Variants in PPP2R2B observed in about 807,000 individuals in gnomAD.
PPP2R2B encodes serine/threonine-protein phosphatase 2A 55 kDa regulatory subunit B beta isoform.
PPP2R2B carries 5 observed loss-of-function variants against 46.0 expected under a neutral mutation model. That is an observed-to-expected ratio of 0.11 (90% confidence interval 0.06 to 0.23). PPP2R2B has a LOEUF of 0.23. Among genes scored for constraint, PPP2R2B ranks in the 10% least tolerant of loss-of-function variants. The pLI is 1.00. For missense variants in PPP2R2B, 367 were observed against 575.0 expected (o/e 0.64, Z 3.70); for synonymous variants, 215 against 206.7 (o/e 1.04, Z -0.34).
At chr5:146,873,010 C>G (rs1761701885) in intron 2 of PPP2R2B, among the ~76,000 whole-genome samples, 1 of 152,206 alleles carries the variant, frequency 6.6e-6, no homozygotes, top group South Asian at 2.1e-4. Context: ...AGGTCTTTCT[C>G]TTGAGCTTCA....
chr5:146,696,204 C>T (rs1352604366), intron 4 of PPP2R2B, among the ~76,000 whole-genome samples: 1 of 151,736 alleles, frequency 6.6e-6, no homozygotes, highest in East Asian at 1.9e-4. Context: ...CCTGGATTCA[C>T]GCCATTATCC....
chr5:147,076,066 G>C (rs1757755780), intron 2 of PPP2R2B, among the ~76,000 whole-genome samples: 1 of 152,102 alleles, frequency 6.6e-6, no homozygotes, highest in South Asian at 2.1e-4. Flanking sequence ...AAGTAGTGAA[G>C]CTAAATTTGA....
intron 2 of PPP2R2B, among the ~76,000 whole-genome samples, chr5:146,817,921 C>T (rs66470287): frequency 0.14 from 21,419 of 152,250 alleles, 1,929 homozygotes; most frequent in East Asian, 0.42. Context: ...CCCATTTGCT[C>T]ACACTGCTCT....
chr5:146,589,701 T>C lies in PPP2R2B; in HGVS notation c.*246A>G. The C allele has an allele frequency of 2.1e-6, 1 of 474,830 alleles. No individual in the cohort carries two copies. The highest frequency in any genetic ancestry group is 1.9e-5 in the African/African-American group (1 of 51,562). The allele number at this position is 474,830 out of a possible 1,614,324, so 29.4% of individuals were successfully genotyped here. ...AAAAGCATCAGAAGTTCAAGTCAAC[T>C]ATGGAAGAATTACTGTTAGCTGGCA... On this transcript the variant is annotated 3_prime_UTR_variant, in exon 10 of 10. Transcript: ENST00000394411.
chr5:146,640,800 A>G (rs1336373091), intron 6 of PPP2R2B, among the ~76,000 whole-genome samples: 1 of 152,214 alleles, frequency 6.6e-6, no homozygotes, highest in African/African-American at 2.4e-5. Flanking sequence ...CATGTCTATG[A>G]AACCAGGCAC....
intron 2 of PPP2R2B, among the ~76,000 whole-genome samples, chr5:146,701,590 T>C (rs61314158): frequency 0.25 from 37,609 of 151,966 alleles, 6,046 homozygotes; most frequent in African/African-American, 0.46. Context: ...GCTTGAAGCT[T>C]AGACATGGAA....
chr5:146,706,802 T>C lies in PPP2R2B; in HGVS notation c.71-5660A>G, dbSNP rs1036623467. 6 of 863,440 alleles carry C rather than the reference T, an allele frequency of 6.9e-6. No individual in the cohort carries two copies. In the African/African-American group the frequency reaches 9.9e-5, roughly 14 times the overall value. 53.5% of individuals were successfully genotyped at this position (863,440 alleles called of 1,614,324 possible). ...GCTCTCGGCCTCAGCCCGACTGCGG[T>C]TGGCGATCTCCTCGTACTGTACCTT... is the stretch of plus-strand genomic sequence containing the variant. On this transcript the variant is annotated intron_variant, in intron 2 of 9. Coordinates refer to ENST00000394411, the MANE Select transcript of PPP2R2B (RefSeq NM_181675.4).
chr5:146,779,743 G>C (rs887068453), intron 2 of PPP2R2B, among the ~76,000 whole-genome samples: 4 of 152,196 alleles, frequency 2.6e-5, no homozygotes, highest in Admixed American at 6.5e-5. Flanking sequence ...TGTATAATTA[G>C]CTAGTCTGAA....
intron 1 of PPP2R2B, among the ~76,000 whole-genome samples, chr5:146,953,242 G>A (rs973648650): frequency 4.6e-5 from 7 of 152,122 alleles, no homozygotes; most frequent in East Asian, 3.8e-4. Flanking sequence ...TCATTTGCTC[G>A]ACCTGTAGCT....
intron 2 of PPP2R2B, chr5:146,706,571 C>T (rs535792794): frequency 1.1e-6 from 1 of 911,828 alleles, no homozygotes; most frequent in Admixed American, 1.8e-5. Flanking sequence ...GCTCGGACAG[C>T]TTAGCGTTGG....
chr5:146,592,654 G>T (rs1482253044), intron 9 of PPP2R2B, among the ~76,000 whole-genome samples: 1 of 152,228 alleles, frequency 6.6e-6, no homozygotes, highest in Non-Finnish European at 1.5e-5. Flanking sequence ...GCTGGAATTT[G>T]CTGGTGGATA....
intron 5 of PPP2R2B, among the ~76,000 whole-genome samples, chr5:146,662,281 A>G (rs1456202445): frequency 6.6e-6 from 1 of 152,204 alleles, no homozygotes; most frequent in Non-Finnish European, 1.5e-5. Flanking sequence ...ATTTCTAAGA[A>G]TTTAAAAAAC....
intron 2 of PPP2R2B, among the ~76,000 whole-genome samples, chr5:146,726,543 A>G (rs1751880747): frequency 6.6e-6 from 1 of 152,206 alleles, no homozygotes; most frequent in Non-Finnish European, 1.5e-5. Context: ...CTTGATCCTC[A>G]TAGCAAATCT....
At chr5:146,949,414 T>C (rs556810424) in intron 1 of PPP2R2B, among the ~76,000 whole-genome samples, 17 of 152,070 alleles carry the variant, frequency 1.1e-4, no homozygotes, top group Admixed American at 3.3e-4. Flanking sequence ...CTCAATGTCA[T>C]TGATCATCTG....
At chr5:146,867,524 T>G (rs1013570246) in intron 2 of PPP2R2B, among the ~76,000 whole-genome samples, 2 of 152,184 alleles carry the variant, frequency 1.3e-5, no homozygotes, top group African/African-American at 4.8e-5. Context: ...CACATATAAA[T>G]AGTAACATGT....
At chr5:146,988,225 A>G (rs753689834) in intron 1 of PPP2R2B, among the ~76,000 whole-genome samples, 3 of 152,000 alleles carry the variant, frequency 2.0e-5, no homozygotes, top group Non-Finnish European at 2.9e-5. Context: ...ACCAAAAATC[A>G]ACAAAGAAAT....
intron 5 of PPP2R2B, among the ~76,000 whole-genome samples, chr5:146,664,440 C>T (rs1231328026): frequency 6.6e-6 from 1 of 152,110 alleles, no homozygotes; most frequent in Non-Finnish European, 1.5e-5. Context: ...CCATAAGAAG[C>T]AATTCCTCAT....
chr5:146,806,310 T>C (rs1238812382), intron 2 of PPP2R2B, among the ~76,000 whole-genome samples: 1 of 152,192 alleles, frequency 6.6e-6, no homozygotes, highest in Non-Finnish European at 1.5e-5. Flanking sequence ...AATGTATTCT[T>C]CTCCCTGATA....
At chr5:146,825,003 C>T (rs540421819) in intron 2 of PPP2R2B, among the ~76,000 whole-genome samples, 2 of 152,236 alleles carry the variant, frequency 1.3e-5, no homozygotes, top group East Asian at 1.9e-4. Flanking sequence ...GGATTACAGG[C>T]GTGAGCCACC....
Sources: allele counts gnomAD v4.1 joint callset (sites outside exome capture counted in the v4.1 genomes callset), GRCh38; gene constraint gnomAD v4.1.1; transcripts MANE v1.5; gene names NCBI Gene and HGNC (gene_info 2026-07-23, HGNC 2026-07-21).